GPHN: variants seen among roughly 807,000 people sequenced by gnomAD.
GPHN encodes the protein gephyrin.
GPHN carries 17 observed loss-of-function variants against 95.5 expected under a neutral mutation model. The observed-to-expected ratio is 0.18, with a 90% CI of 0.12 to 0.27. The LOEUF (loss-of-function observed/expected upper bound fraction) is 0.27, where lower values mean the gene tolerates loss of function less well. GPHN is among the 10% of genes least tolerant of loss of function. The pLI, the probability that GPHN is intolerant of heterozygous loss-of-function variation, is 1.00. For synonymous variants in GPHN, 320 were observed against 322.5 expected, an observed-to-expected ratio of 0.99 and a Z score of 0.08; for missense variants, 660 against 978.1, an observed-to-expected ratio of 0.67 and a Z score of 4.34.
the GPHN span, among the ~76,000 whole-genome samples, chr14:67,226,880 C>T: frequency 4.5e-4 from 69 of 152,256 alleles, no homozygotes; most frequent in East Asian, 7.5e-3. Context: ...GGTGTGGAGA[C>T]AGCGATGGGT....
At chr14:67,459,687 C>A in the GPHN span, among the ~76,000 whole-genome samples, 5 of 152,182 alleles carry the variant, frequency 3.3e-5, no homozygotes, top group African/African-American at 1.2e-4. Context: ...GGCTTCTGTG[C>A]CTCCCAGTAC....
At chr14:66,672,329 C>T (rs1014784733) in intron 1 of GPHN, among the ~76,000 whole-genome samples, 5 of 152,048 alleles carry the variant, frequency 3.3e-5, no homozygotes, top group African/African-American at 7.2e-5. Context: ...AAGATGTGAA[C>T]GTGGTCCTTT....
At chr14:66,632,978 C>T (rs1300144536) in intron 1 of GPHN, among the ~76,000 whole-genome samples, 1 of 152,208 alleles carries the variant, frequency 6.6e-6, no homozygotes, top group African/African-American at 2.4e-5. Flanking sequence ...TACCATTCTT[C>T]TTTCTGTGCC....
the GPHN span, among the ~76,000 whole-genome samples, chr14:67,442,613 C>T: frequency 1.2e-4 from 19 of 152,302 alleles, 1 homozygote; most frequent in Admixed American, 9.1e-4. Flanking sequence ...ACCTCTCTCT[C>T]CTGTAGACCA....
chr14:67,356,447 AC>A, the GPHN span, among the ~76,000 whole-genome samples: 731 of 140,836 alleles, frequency 5.2e-3, 4 homozygotes, highest in African/African-American at 0.02. Flanking sequence ...AAAAAAAAAA[AC>A]AAAAACAAAC....
chr14:66,771,985 G>A (rs1463377265), intron 2 of GPHN, among the ~76,000 whole-genome samples: 1 of 151,596 alleles, frequency 6.6e-6, no homozygotes, highest in East Asian at 1.9e-4. Flanking sequence ...AGAGTGTGTG[G>A]CAATTTTATA....
At chr14:66,764,254 G>A (rs1023820843) in intron 2 of GPHN, among the ~76,000 whole-genome samples, 2 of 152,064 alleles carry the variant, frequency 1.3e-5, no homozygotes, top group Non-Finnish European at 2.9e-5. Flanking sequence ...GAGGATGTTC[G>A]TGGGTCACAC....
chr14:67,067,974 C>G (rs1305960830), intron 11 of GPHN, among the ~76,000 whole-genome samples: 1 of 152,222 alleles, frequency 6.6e-6, no homozygotes, highest in Non-Finnish European at 1.5e-5. Flanking sequence ...CTGTCCAACC[C>G]ATCCCAATGA....
the GPHN span, among the ~76,000 whole-genome samples, chr14:67,628,246 C>T: frequency 2.3e-4 from 35 of 152,276 alleles, no homozygotes; most frequent in Non-Finnish European, 3.1e-4. Flanking sequence ...ATAGGTCTCA[C>T]TATGTTGCCC....
At chr14:66,512,135 C>G (rs977826014) in intron 1 of GPHN, among the ~76,000 whole-genome samples, 4 of 151,788 alleles carry the variant, frequency 2.6e-5, no homozygotes, top group African/African-American at 9.7e-5. Context: ...TACTTGAAAA[C>G]TAGAAACAGG....
At chr14:67,355,950 T>A in the GPHN span, among the ~76,000 whole-genome samples, 2 of 152,100 alleles carry the variant, frequency 1.3e-5, no homozygotes, top group Admixed American at 6.5e-5. Context: ...TGAGCTGTGA[T>A]CATGCCACTG....
At chr14:66,954,496 T>G (rs528306558) in intron 8 of GPHN, among the ~76,000 whole-genome samples, 1 of 152,224 alleles carries the variant, frequency 6.6e-6, no homozygotes, top group East Asian at 1.9e-4. Flanking sequence ...ACAACTTCGC[T>G]AAATTTGTTT....
In GPHN at chr14:67,094,580, G is replaced by T. The variant is rs562438246; in HGVS notation, c.1237+5505G>T. ...TTCTTTTTTTCTTTCCAAGCTCTAG[G>T]TTCATGTGCTATCATGCCTCCGCTT... On this transcript the variant is annotated intron_variant, in intron 12 of 22. Coordinates refer to ENST00000478722, the MANE Select transcript of GPHN (RefSeq NM_020806.5). 1.7e-4 allele frequency among the ~76,000 whole-genome samples: 26 copies of T among 152,112 alleles called. No individual in the cohort carries two copies. In the East Asian group the frequency reaches 4.6e-3, roughly 27 times the overall value.
chr14:67,360,762 C>G, the GPHN span: 1 of 152,312 alleles, frequency 6.6e-6, no homozygotes, highest in Non-Finnish European at 1.5e-5. Flanking sequence ...ATGGGGCGGT[C>G]TCAGGAGAAC....
intron 1 of GPHN, among the ~76,000 whole-genome samples, chr14:66,517,841 G>A (rs2139768687): frequency 6.6e-6 from 1 of 152,130 alleles, no homozygotes; most frequent in East Asian, 1.9e-4. Context: ...GGAACTGCTA[G>A]AAGAAAACAT....
At chr14:66,726,274 C>T (rs1378910198) in intron 2 of GPHN, among the ~76,000 whole-genome samples, 1 of 152,102 alleles carries the variant, frequency 6.6e-6, no homozygotes, top group East Asian at 1.9e-4. Context: ...TACACTTCCA[C>T]CTCTCAGGAT....
chr14:67,609,418 G>A, the GPHN span, among the ~76,000 whole-genome samples: 51 of 152,318 alleles, frequency 3.3e-4, no homozygotes, highest in African/African-American at 9.9e-4. Context: ...TACCCCATAT[G>A]TGGAAGTCCC....
chr14:66,681,335 A>T, intron 2 of GPHN, 150 bp downstream of exon 2: 1 of 621,256 alleles, frequency 1.6e-6, no homozygotes, highest in Admixed American at 2.7e-5. Flanking sequence ...AGTCTGACAG[A>T]ACAGTTCAGA....
chr14:67,631,136 C>T, the GPHN span, among the ~76,000 whole-genome samples: 1 of 152,140 alleles, frequency 6.6e-6, no homozygotes, highest in Non-Finnish European at 1.5e-5. Context: ...TCCACCATCC[C>T]CCTTGACCTT....
Sources: gnomAD v4.1 joint callset for allele counts (sites outside exome capture counted in the v4.1 genomes callset) on GRCh38, gnomAD v4.1.1 for gene constraint, MANE v1.5 for transcripts, NCBI Gene and HGNC (gene_info 2026-07-23, HGNC 2026-07-21) for gene names.